The following SEC14L1 variants were observed in gnomAD, a reference collection of about 807,000 sequenced individuals.
The protein encoded by SEC14L1 is SEC14-like protein 1.
Under a neutral mutation model 85.3 loss-of-function variants are expected in SEC14L1, and 48 were observed. That is an observed-to-expected ratio of 0.56 (90% CI 0.45 to 0.72). The LOEUF (loss-of-function observed/expected upper bound fraction) is 0.72, where lower values mean the gene tolerates loss of function less well. SEC14L1 is among the 30% of genes least tolerant of loss of function. The pLI is 0.00. For synonymous variants in SEC14L1, 391 were observed against 355.5 expected (o/e 1.10, Z -1.12); for missense variants, 682 against 921.4 (o/e 0.74, Z 3.36).
chr17:77,093,585 C>CGCTG (rs1971568311), intron 3 of SEC14L1: 1 of 152,192 alleles, frequency 6.6e-6, no homozygotes, highest in Non-Finnish European at 1.5e-5. Context: ...GTTCAAACGA[C>CGCTG]CCAGCAAGTG....
Position 77,215,402 on chromosome 17 carries a change from G to T in SEC14L1, c.*1379G>T. On this transcript the variant is annotated 3_prime_UTR_variant, in exon 17 of 17. Coordinates refer to ENST00000436233, the MANE Select transcript of SEC14L1 (RefSeq NM_001143998.2). Reference sequence around the variant, plus strand: ...TGTTTTTCATGCCAAACCCCACGCGGCTGTCAACTGTGTGCGTGGTAGGCA... The same window carrying T: ...TGTTTTTCATGCCAAACCCCACGCGTCTGTCAACTGTGTGCGTGGTAGGCA... 1 of 985,446 alleles carries T rather than the reference G, an allele frequency of 1.0e-6. No individual in the cohort carries two copies. The highest frequency in any genetic ancestry group is 1.2e-6 in the Non-Finnish European group (1 of 829,968). The allele number at this position is 985,446 out of a possible 1,614,324, so 61.0% of individuals were successfully genotyped here.
At chr17:77,205,084 T>C (rs1976397537) in intron 10 of SEC14L1, 192 bp from the exon 11 acceptor site, 3 of 566,966 alleles carry the variant, frequency 5.3e-6, no homozygotes, top group Non-Finnish European at 9.5e-6. Flanking sequence ...TTATTCTCTT[T>C]CAAAAGTAGA....
chr17:77,168,680 A>G (rs866657056), intron 3 of SEC14L1, among the ~76,000 whole-genome samples: 1 of 151,940 alleles, frequency 6.6e-6, no homozygotes, highest in Non-Finnish European at 1.5e-5. Flanking sequence ...ACAGCATTGG[A>G]CTCTGGTCTT....
chr17:77,135,222 C>T (rs1031135824), intron 3 of SEC14L1, among the ~76,000 whole-genome samples: 1 of 152,208 alleles, frequency 6.6e-6, no homozygotes, highest in Non-Finnish European at 1.5e-5. Context: ...GCATCCTTCC[C>T]TGGTTCTTGT....
At position 77,206,279 on chromosome 17, in the gene SEC14L1, G is replaced by T; in HGVS notation, c.1220G>T (p.Trp407Leu). 2 of 1,614,168 alleles carry T rather than the reference G, an allele frequency of 1.2e-6. No homozygotes were observed. Among genetic ancestry groups the T allele is most frequent in the Non-Finnish European group, 1.7e-6 (2 of 1,180,016 alleles). Residue 407 changes from tryptophan to leucine, a missense_variant, in exon 12 of 17, where the codon TGG (tryptophan) becomes TTG (leucine). Physicochemically the swap from Trp to Leu is moderately conservative, Grantham distance 61 (BLOSUM62 -2). Transcript: ENST00000436233. This position sits in a 1 kb window ranked among gnomAD's most constrained non-coding sequence, Gnocchi z 4.3. Reference sequence around the variant, plus strand: ...GAAGGGCTGAACATGCGCCACTTGTGGAGACCTGGTGTGAAAGCGCTGCTG... The same window carrying T: ...GAAGGGCTGAACATGCGCCACTTGTTGAGACCTGGTGTGAAAGCGCTGCTG... ...DLEGLNMRHL[W>L]RPGVKALLRI...
At chr17:77,143,719 A>T (rs1973155949) in intron 3 of SEC14L1, 60 bp downstream of exon 3, 1 of 1,217,188 alleles carries the variant, frequency 8.2e-7, no homozygotes, top group Admixed American at 1.8e-5. Flanking sequence ...ACAGTGTTAG[A>T]ATTTGATGAT....
chr17:77,141,261 C>T (rs1178437798), intron 1 of SEC14L1, 154 bp downstream of exon 1: 1 of 145,242 alleles, frequency 6.9e-6, no homozygotes, highest in Non-Finnish European at 1.5e-5. Flanking sequence ...GGCCCGGCAC[C>T]CGAAACGGGC....
chr17:77,124,991 ATTATTATTT>A (rs1316143257), intron 3 of SEC14L1, among the ~76,000 whole-genome samples: 8,175 of 73,926 alleles, frequency 0.11, 545 homozygotes, highest in African/African-American at 0.25. Context: ...TATTATTATT[ATTATTATTT>A]TTATTATTAT....
Position 77,167,791 on chromosome 17 carries a change from G to A in SEC14L1, c.64-23012G>A, listed in dbSNP as rs531415667. On this transcript the variant is annotated intron_variant, in intron 3 of 16. Coordinates refer to ENST00000436233, the MANE Select transcript of SEC14L1 (RefSeq NM_001143998.2). ...GTTTTTAGTGGGGAGGGTACACAGG[G>A]TTACTCCCTCTACCCAAAGGCAAGA... Among the ~76,000 whole-genome samples the A allele has an allele frequency of 4.1e-4, 63 of 152,268 alleles. 1 individual carries two copies. Among genetic ancestry groups the A allele is most frequent in the Middle Eastern group, 3.4e-3 (1 of 294 alleles).
chr17:77,156,721 A>G (rs1005076768), intron 3 of SEC14L1, among the ~76,000 whole-genome samples: 18 of 152,092 alleles, frequency 1.2e-4, no homozygotes, highest in African/African-American at 3.4e-4. Flanking sequence ...AATTTTGACA[A>G]AAGGTTACAT....
At chr17:77,168,019 G>A (rs988910718) in intron 3 of SEC14L1, among the ~76,000 whole-genome samples, 1 of 152,140 alleles carries the variant, frequency 6.6e-6, no homozygotes, top group Non-Finnish European at 1.5e-5. Flanking sequence ...GGCTAGGGTT[G>A]GACCATACAA....
At chr17:77,212,835 C>G (rs975506962) in intron 15 of SEC14L1, 1 of 169,636 alleles carries the variant, frequency 5.9e-6, no homozygotes, top group African/African-American at 2.4e-5. Context: ...AACAGCTAAG[C>G]TGTGTTAACC....
intron 3 of SEC14L1, among the ~76,000 whole-genome samples, chr17:77,185,043 GA>G (rs1975205918): frequency 6.6e-6 from 1 of 152,172 alleles, no homozygotes; most frequent in African/African-American, 2.4e-5. Flanking sequence ...ACATATCTCT[GA>G]AAGACGGGTC....
At chr17:77,179,190 A>G (rs954791318) in intron 3 of SEC14L1, among the ~76,000 whole-genome samples, 1 of 152,252 alleles carries the variant, frequency 6.6e-6, no homozygotes, top group Admixed American at 6.5e-5. Context: ...GTTGTGTGGT[A>G]TGATGTGTGT....
intron 3 of SEC14L1, among the ~76,000 whole-genome samples, chr17:77,132,943 G>A (rs1178595125): frequency 1.3e-5 from 2 of 151,308 alleles, no homozygotes; most frequent in Non-Finnish European, 2.9e-5. Flanking sequence ...ACTCACTGCA[G>A]CCTCAAACTC....
At chr17:77,108,805 AG>A (rs1437096659) in intron 3 of SEC14L1, among the ~76,000 whole-genome samples, 34 of 131,658 alleles carry the variant, frequency 2.6e-4, no homozygotes, top group African/African-American at 9.0e-4. Context: ...AAAAAAAAAA[AG>A]AATGTATATG....
intron 3 of SEC14L1, among the ~76,000 whole-genome samples, chr17:77,119,272 C>A (rs1369029140): frequency 1.3e-5 from 2 of 149,270 alleles, no homozygotes; most frequent in Non-Finnish European, 3.0e-5. Context: ...TGCGCCACTG[C>A]ACTCCAGCCT....
At chr17:77,157,758 C>T (rs1973873824) in intron 3 of SEC14L1, among the ~76,000 whole-genome samples, 1 of 152,144 alleles carries the variant, frequency 6.6e-6, no homozygotes, top group African/African-American at 2.4e-5. Flanking sequence ...AAACTCCTGA[C>T]CTCGTGATGC....
chr17:77,205,374 C>T (rs199838903), intron 11 of SEC14L1, 28 bp downstream of exon 11: 1 of 1,573,480 alleles, frequency 6.4e-7, no homozygotes, highest in Non-Finnish European at 8.7e-7. Context: ...TTTTTCCTTT[C>T]AACTTACTGA....
Sources: allele counts gnomAD v4.1 joint callset (sites outside exome capture counted in the v4.1 genomes callset), GRCh38; gene constraint gnomAD v4.1.1; non-coding constraint Gnocchi (gnomAD v3.1); transcripts MANE v1.5; gene names NCBI Gene and HGNC (gene_info 2026-07-23, HGNC 2026-07-21).